The following HS6ST3 variants were observed in gnomAD, a reference collection of about 807,000 sequenced individuals.
HS6ST3 encodes heparan sulfate 6-O-sulfotransferase 3, also known as heparan-sulfate 6-O-sulfotransferase 3.
In HS6ST3, 12 loss-of-function variants were observed where a neutral mutation model predicts 36.7. The ratio of observed to expected loss-of-function variants is 0.33; its 90% CI spans 0.21 to 0.53. The LOEUF (loss-of-function observed/expected upper bound fraction) is 0.53. Among genes scored for constraint, HS6ST3 ranks in the 20% least tolerant of loss-of-function variants. The probability of loss-of-function intolerance (pLI) is 0.95; values close to 1 mark genes in which losing one functional copy is unlikely to be tolerated. For missense variants in HS6ST3, 584 were observed against 640.9 expected, an observed-to-expected ratio of 0.91 and a Z score of 0.96; for synonymous variants, 240 against 257.5, an observed-to-expected ratio of 0.93 and a Z score of 0.65.
chr13:96,631,567 C>G (rs544688928), intron 1 of HS6ST3, among the ~76,000 whole-genome samples: 2 of 152,166 alleles, frequency 1.3e-5, no homozygotes, highest in East Asian at 3.9e-4. Context: ...TATGAAGATT[C>G]TATTATCATT....
chr13:96,310,396 G>A (rs1416335710), intron 1 of HS6ST3, among the ~76,000 whole-genome samples: 1 of 152,114 alleles, frequency 6.6e-6, no homozygotes, highest in Admixed American at 6.6e-5. Flanking sequence ...AAGAGTCTTG[G>A]GTTTGCAGAA....
intron 1 of HS6ST3, among the ~76,000 whole-genome samples, chr13:96,440,151 A>G (rs1317425411): frequency 6.6e-6 from 1 of 152,198 alleles, no homozygotes; most frequent in Middle Eastern, 3.2e-3. Flanking sequence ...CCTAGTATAG[A>G]AACAAAGAGG....
At chr13:96,175,988 T>C (rs903463165) in intron 1 of HS6ST3, among the ~76,000 whole-genome samples, 18 of 151,766 alleles carry the variant, frequency 1.2e-4, no homozygotes, top group African/African-American at 4.4e-4. Context: ...CCACCATGCC[T>C]GGCTAATTTT....
chr13:96,234,939 A>G (rs1036220357), intron 1 of HS6ST3, among the ~76,000 whole-genome samples: 5 of 152,196 alleles, frequency 3.3e-5, no homozygotes, highest in Admixed American at 6.5e-5. Context: ...TTTGTTGTAG[A>G]TAATATCTAA....
intron 1 of HS6ST3, among the ~76,000 whole-genome samples, chr13:96,567,412 A>T (rs1280346513): frequency 1.3e-5 from 2 of 152,174 alleles, no homozygotes; most frequent in African/African-American, 4.8e-5. Flanking sequence ...TTGGCATCAG[A>T]CTTCCCATCA....
At chr13:96,638,900 A>G (rs1457639701) in intron 1 of HS6ST3, among the ~76,000 whole-genome samples, 1 of 151,930 alleles carries the variant, frequency 6.6e-6, no homozygotes, top group Non-Finnish European at 1.5e-5. Flanking sequence ...AACTTAAAAG[A>G]TTTCCCATCC....
intron 1 of HS6ST3, among the ~76,000 whole-genome samples, chr13:96,606,608 AGGGAGG>A (rs2056439835): frequency 6.1e-5 from 1 of 16,392 alleles, no homozygotes; most frequent in Admixed American, 8.2e-4. Context: ...GGAGGGAGGG[AGGGAGG>A]GAGGGAGGGA....
chr13:96,257,625 A>G (rs2054643371), intron 1 of HS6ST3, among the ~76,000 whole-genome samples: 1 of 152,228 alleles, frequency 6.6e-6, no homozygotes, highest in Non-Finnish European at 1.5e-5. Context: ...TAACATTTTT[A>G]AAATGCTCAT....
intron 1 of HS6ST3, among the ~76,000 whole-genome samples, chr13:96,416,540 C>G (rs2055533716): frequency 6.6e-6 from 1 of 152,060 alleles, no homozygotes; most frequent in African/African-American, 2.4e-5. Flanking sequence ...TTTTTGTTTG[C>G]TGGTTGTTCA....
intron 1 of HS6ST3, among the ~76,000 whole-genome samples, chr13:96,286,291 A>G (rs1317739275): frequency 1.3e-5 from 2 of 152,022 alleles, no homozygotes; most frequent in Admixed American, 6.6e-5. Context: ...TTGATTCTTA[A>G]TCATTTAGCC....
At chr13:96,679,352 C>G (rs2056710310) in intron 1 of HS6ST3, among the ~76,000 whole-genome samples, 1 of 151,792 alleles carries the variant, frequency 6.6e-6, no homozygotes, top group African/African-American at 2.4e-5. Context: ...AATCTCCGAG[C>G]AGGCTTGTTT....
At chr13:96,263,015 G>A (rs535861788) in intron 1 of HS6ST3, among the ~76,000 whole-genome samples, 58 of 152,204 alleles carry the variant, frequency 3.8e-4, no homozygotes, top group Admixed American at 1.6e-3. Context: ...TAGAAACCAC[G>A]TATATTGAAG....
intron 1 of HS6ST3, among the ~76,000 whole-genome samples, chr13:96,278,534 A>C (rs2054759581): frequency 6.6e-6 from 1 of 152,196 alleles, no homozygotes; most frequent in African/African-American, 2.4e-5. Context: ...TTGTTTAAAA[A>C]ATTGAAGAGA....
chr13:96,776,989 C>T (rs1008414509), intron 1 of HS6ST3, among the ~76,000 whole-genome samples: 5 of 152,306 alleles, frequency 3.3e-5, no homozygotes, highest in Admixed American at 6.5e-5. Flanking sequence ...AAAGCTTATC[C>T]ACCACGATTA....
chr13:96,490,527 T>C (rs964928622), intron 1 of HS6ST3, among the ~76,000 whole-genome samples: 6 of 152,186 alleles, frequency 3.9e-5, no homozygotes, highest in African/African-American at 1.4e-4. Flanking sequence ...TATTTTGCAT[T>C]GACTAGACTA....
intron 1 of HS6ST3, among the ~76,000 whole-genome samples, chr13:96,356,290 T>G (rs978837664): frequency 6.6e-6 from 1 of 152,210 alleles, no homozygotes; most frequent in African/African-American, 2.4e-5. Context: ...ATAAATGTTC[T>G]TAATGACATC....
intron 1 of HS6ST3, among the ~76,000 whole-genome samples, chr13:96,446,123 A>G (rs964900839): frequency 2.0e-5 from 3 of 151,490 alleles, no homozygotes; most frequent in Admixed American, 1.3e-4. Flanking sequence ...CAGTGAGCCG[A>G]GATCACACCA....
chr13:96,359,976 G>T (rs1308422133), intron 1 of HS6ST3, among the ~76,000 whole-genome samples: 1 of 152,172 alleles, frequency 6.6e-6, no homozygotes, highest in East Asian at 1.9e-4. Context: ...CCACTGAGCA[G>T]GGGTGAAGGT....
In HS6ST3 at chr13:96,602,604, C is replaced by T. The variant is rs2056425571; in HGVS notation, c.708-229886C>T. 2.6e-5 allele frequency among the ~76,000 whole-genome samples: 4 copies of T among 152,304 alleles called. No individual in the cohort carries two copies. In the South Asian group the frequency reaches 8.3e-4, roughly 32 times the overall value. On this transcript the variant is annotated intron_variant, in intron 1 of 1. Coordinates refer to ENST00000376705, the MANE Select transcript of HS6ST3 (RefSeq NM_153456.4). ...TCTGGGGCACACCAGATGCCCAGAGCTGCTGAGGGCTTTCTGGAGTATGGG... is the reference window on the plus strand; with the variant it reads ...TCTGGGGCACACCAGATGCCCAGAGTTGCTGAGGGCTTTCTGGAGTATGGG...
Sources: gnomAD v4.1 joint callset for allele counts (sites outside exome capture counted in the v4.1 genomes callset) on GRCh38, gnomAD v4.1.1 for gene constraint, MANE v1.5 for transcripts, NCBI Gene and HGNC (gene_info 2026-07-23, HGNC 2026-07-21) for gene names.